MAP2K5: variants seen among roughly 807,000 people sequenced by gnomAD.
MAP2K5 encodes the protein mitogen-activated protein kinase kinase 5, also known as dual specificity mitogen-activated protein kinase kinase 5.
In MAP2K5, 49 loss-of-function variants were observed where a neutral mutation model predicts 83.1. The observed-to-expected ratio is 0.59, with a 90% confidence interval of 0.47 to 0.75. The LOEUF (loss-of-function observed/expected upper bound fraction) is 0.75. MAP2K5 is among the 30% of genes least tolerant of loss of function. The pLI, the probability that MAP2K5 is intolerant of heterozygous loss-of-function variation, is 0.00. For synonymous variants in MAP2K5, 202 were observed against 191.8 expected, an observed-to-expected ratio of 1.05 and a Z score of -0.44; for missense variants, 457 against 557.5, an observed-to-expected ratio of 0.82 and a Z score of 1.82.
At position 67,750,561 on chromosome 15, in the gene MAP2K5, T is replaced by C. The variant is rs889925586; in HGVS notation, c.1134+1960T>C. ...TGATTGCATCAGAATTACCTAAGGC[T>C]CTTGTTGTAATGCAAATTCCTGAGC... On this transcript the variant is annotated intron_variant, in intron 19 of 21. Transcript: ENST00000178640. The surrounding 1 kb of genome is among the most constrained non-coding windows in gnomAD (Gnocchi z 4.2). Among the ~76,000 whole-genome samples, 15 of 152,128 alleles carry C rather than the reference T, an allele frequency of 9.9e-5. No individual in the cohort carries two copies. Among genetic ancestry groups the C allele is most frequent in the African/African-American group, 3.1e-4 (13 of 41,420 alleles).
rs1053880130 is a variant in MAP2K5 at position 67,572,845 on chromosome 15, C to A, written c.253-7909C>A. 1.3e-5 allele frequency among the ~76,000 whole-genome samples: 2 copies of A among 151,984 alleles called. No individual in the cohort carries two copies. The highest frequency in any genetic ancestry group is 2.9e-5 in the Non-Finnish European group (2 of 68,014). ...TCCTGAGTAGCTGGGACTACAGGCA[C>A]CTGCTACCACGCCCAGCTAAGTTTT... On this transcript the variant is annotated intron_variant, in intron 3 of 21. Coordinates refer to ENST00000178640, the MANE Select transcript of MAP2K5 (RefSeq NM_145160.3). The surrounding 1 kb of genome is among the most constrained non-coding windows in gnomAD (Gnocchi z 4.2).
intron 8 of MAP2K5, among the ~76,000 whole-genome samples, chr15:67,624,644 T>A (rs1168070656): frequency 1.3e-5 from 2 of 149,176 alleles, no homozygotes; most frequent in Non-Finnish European, 3.0e-5. Context: ...TGTGTGAGTG[T>A]GTTTGACGGA....
intron 2 of MAP2K5, among the ~76,000 whole-genome samples, chr15:67,560,491 A>G (rs768475306): frequency 6.6e-6 from 1 of 152,280 alleles, no homozygotes; most frequent in Non-Finnish European, 1.5e-5. Flanking sequence ...TCAGTATGCC[A>G]TATAAGCCTG....
chr15:67,805,790 G>A (rs2090792848), intron 21 of MAP2K5, among the ~76,000 whole-genome samples: 1 of 152,230 alleles, frequency 6.6e-6, no homozygotes, highest in South Asian at 2.1e-4. Context: ...GCCACTTGGT[G>A]AAGAGGAAGA....
intron 9 of MAP2K5, among the ~76,000 whole-genome samples, chr15:67,643,843 C>T (rs1240998125): frequency 6.6e-6 from 1 of 152,154 alleles, no homozygotes; most frequent in Non-Finnish European, 1.5e-5. Flanking sequence ...ATAAAATGTA[C>T]TTTAGAATTG....
intron 1 of MAP2K5, among the ~76,000 whole-genome samples, chr15:67,545,332 C>G (rs2084369618): frequency 6.6e-6 from 1 of 152,138 alleles, no homozygotes; most frequent in Non-Finnish European, 1.5e-5. Context: ...CATAGGACCC[C>G]AAAATACTTG....
In MAP2K5 at chr15:67,727,958, A is replaced by G. The variant is rs758212529; in HGVS notation, c.1074+13A>G. 26 of 1,608,300 alleles carry G rather than the reference A, an allele frequency of 1.6e-5. No individual in the cohort carries two copies. Among genetic ancestry groups the G allele is most frequent in the Non-Finnish European group, 2.1e-5 (25 of 1,174,842 alleles). On this transcript the variant is annotated intron_variant, in intron 17 of 21. Transcript: ENST00000178640. ...TCCATATCCTCAGGTAAGATTGTTC[A>G]TTACTGCTGTTTGCCACTGTGACAT...
intron 12 of MAP2K5, among the ~76,000 whole-genome samples, chr15:67,662,825 G>C (rs2087271812): frequency 6.6e-6 from 1 of 152,014 alleles, no homozygotes; most frequent in Non-Finnish European, 1.5e-5. Context: ...TCCTTGACCT[G>C]CCCTTTTAAT....
At chr15:67,623,202 T>G (rs545094118) in intron 8 of MAP2K5, among the ~76,000 whole-genome samples, 7 of 152,360 alleles carry the variant, frequency 4.6e-5, no homozygotes, top group African/African-American at 1.7e-4. Flanking sequence ...AAACTTGGCC[T>G]TCTCATGATT....
Position 67,628,299 on chromosome 15 carries a change from G to A in MAP2K5, c.546-2589G>A, listed in dbSNP as rs1224887746. 6 of 511,854 alleles carry A rather than the reference G, an allele frequency of 1.2e-5. No individual in the cohort carries two copies. In the African/African-American group the frequency reaches 1.2e-4, roughly 10 times the overall value. The allele number at this position is 511,854 out of a possible 1,614,324, so 31.7% of individuals were successfully genotyped here. A position where few individuals can be genotyped will look rare whatever the true frequency, so the allele number is the denominator to read the frequency against. On this transcript the variant is annotated intron_variant, in intron 8 of 21. Coordinates refer to ENST00000178640, the MANE Select transcript of MAP2K5 (RefSeq NM_145160.3). Reference sequence around the variant, plus strand: ...ATTTGAGACCAGCCTGGCCAACATGGTGAAACCCCGTCTCTACTAAAAATA... The same window carrying A: ...ATTTGAGACCAGCCTGGCCAACATGATGAAACCCCGTCTCTACTAAAAATA...
In MAP2K5 at chr15:67,580,743, T is replaced by C. The variant is rs751633047; in HGVS notation, c.253-11T>C. On this transcript the variant is annotated splice_polypyrimidine_tract_variant and intron_variant, in intron 3 of 21. Coordinates refer to ENST00000178640, the MANE Select transcript of MAP2K5 (RefSeq NM_145160.3). ...ATTACTGAGTGATCTCTTTCTATAATCTCTTTGCAGTATTATTCCACAGTA... is the reference window on the plus strand; with the variant it reads ...ATTACTGAGTGATCTCTTTCTATAACCTCTTTGCAGTATTATTCCACAGTA... 1 of 1,536,620 alleles carries C rather than the reference T, an allele frequency of 6.5e-7. No homozygotes were observed. Among genetic ancestry groups the C allele is most frequent in the South Asian group, 1.1e-5 (1 of 89,534 alleles).
At position 67,543,516 on chromosome 15, in the gene MAP2K5, G is replaced by T; in HGVS notation, c.135+46G>T. ...CCGGATGCCAGCAAGGGGGACTCAGGGACTTGAGTAGTCAGCACCTTGACC... is the reference window on the plus strand; with the variant it reads ...CCGGATGCCAGCAAGGGGGACTCAGTGACTTGAGTAGTCAGCACCTTGACC... On this transcript the variant is annotated intron_variant, in intron 1 of 21. Transcript: ENST00000178640. This position sits in a 1 kb window ranked among gnomAD's most constrained non-coding sequence, Gnocchi z 4.3. The T allele has an allele frequency of 6.2e-7, 1 of 1,611,574 alleles. No homozygotes were observed. Among genetic ancestry groups the T allele is most frequent in the Non-Finnish European group, 8.5e-7 (1 of 1,178,352 alleles).
intron 15 of MAP2K5, among the ~76,000 whole-genome samples, chr15:67,697,306 A>G (rs545296497): frequency 5.3e-5 from 8 of 152,300 alleles, no homozygotes; most frequent in Non-Finnish European, 8.8e-5. Flanking sequence ...CTCTTCTTAC[A>G]TATATTAACT....
At chr15:67,734,938 A>T (rs747492395) in intron 17 of MAP2K5, among the ~76,000 whole-genome samples, 6 of 152,166 alleles carry the variant, frequency 3.9e-5, no homozygotes, top group Non-Finnish European at 8.8e-5. Flanking sequence ...TTCTAAACAG[A>T]TGTCTAGCCT....
intron 21 of MAP2K5, among the ~76,000 whole-genome samples, chr15:67,773,731 C>A (rs1238979321): frequency 6.6e-6 from 1 of 152,196 alleles, no homozygotes; most frequent in African/African-American, 2.4e-5. Context: ...AGGGTAGTTT[C>A]AAGTTAAAGA....
At position 67,802,561 on chromosome 15, in the gene MAP2K5, A is replaced by G. The variant is rs2090725780; in HGVS notation, c.1243-4085A>G. Among the ~76,000 whole-genome samples, 1 of 152,248 alleles carries G rather than the reference A, an allele frequency of 6.6e-6. No homozygotes were observed. Among genetic ancestry groups the G allele is most frequent in the Admixed American group, 6.5e-5 (1 of 15,288 alleles). On this transcript the variant is annotated intron_variant, in intron 21 of 21. Coordinates refer to ENST00000178640, the MANE Select transcript of MAP2K5 (RefSeq NM_145160.3). This position sits in a 1 kb window ranked among gnomAD's most constrained non-coding sequence, Gnocchi z 5.0. ...AATTGGCCCTCAGAGAATCCAGGGA[A>G]TGAGAGTGGCTCTCACTGCCTGGTG...
At chr15:67,733,657 A>T (rs1258382893) in intron 17 of MAP2K5, among the ~76,000 whole-genome samples, 1 of 152,204 alleles carries the variant, frequency 6.6e-6, no homozygotes, top group African/African-American at 2.4e-5. Flanking sequence ...CAAAATAGAG[A>T]TCTACTTTAC....
chr15:67,589,781 G>A (rs200281600), intron 6 of MAP2K5, among the ~76,000 whole-genome samples: 3 of 42,112 alleles, frequency 7.1e-5, no homozygotes, highest in South Asian at 1.1e-3. Context: ...GTGTGTGTGT[G>A]TATGTGTGTG....
chr15:67,555,542 T>C lies in MAP2K5; in HGVS notation c.184+5460T>C, dbSNP rs1344272026. 6.6e-6 allele frequency among the ~76,000 whole-genome samples: 1 copy of C among 152,158 alleles called. No individual in the cohort carries two copies. Among genetic ancestry groups the C allele is most frequent in the African/African-American group, 2.4e-5 (1 of 41,416 alleles). On this transcript the variant is annotated intron_variant, in intron 2 of 21. Coordinates refer to ENST00000178640, the MANE Select transcript of MAP2K5 (RefSeq NM_145160.3). This position sits in a 1 kb window ranked among gnomAD's most constrained non-coding sequence, Gnocchi z 5.2. ...CTACTGAGACAAAGAATACCCATAT[T>C]TAAATTTCAATATCTATTACTGTGT...
Sources: gnomAD v4.1 joint callset for allele counts (sites outside exome capture counted in the v4.1 genomes callset) on GRCh38, gnomAD v4.1.1 for gene constraint, Gnocchi (gnomAD v3.1) non-coding constraint, MANE v1.5 for transcripts, NCBI Gene and HGNC (gene_info 2026-07-23, HGNC 2026-07-21) for gene names.